The following MYO1E variants were observed in gnomAD, a reference collection of about 807,000 sequenced individuals.
The protein encoded by MYO1E is myosin IE.
A neutral mutation model predicts 151.1 loss-of-function variants in MYO1E; 68 were observed. That is an observed-to-expected ratio of 0.45 (90% confidence interval 0.37 to 0.55). MYO1E has a LOEUF of 0.55. MYO1E is among the 20% of genes least tolerant of loss of function. MYO1E has a pLI of 0.00. For missense variants in MYO1E, 1,363 were observed against 1,389.3 expected, an observed-to-expected ratio of 0.98 and a Z score of 0.30; for synonymous variants, 601 against 501.7, an observed-to-expected ratio of 1.20 and a Z score of -2.64.
chr15:59,169,241 A>G (rs954813697), intron 22 of MYO1E, among the ~76,000 whole-genome samples: 1 of 152,244 alleles, frequency 6.6e-6, no homozygotes, highest in African/African-American at 2.4e-5. Context: ...TCAACTGGTC[A>G]ATCTCAGAAA....
intron 26 of MYO1E, among the ~76,000 whole-genome samples, chr15:59,142,939 A>AAAT (rs1281495198): frequency 6.6e-6 from 1 of 151,868 alleles, no homozygotes. Flanking sequence ...AAAAAAAAAA[A>AAAT]AAAGGCGTCT....
intron 26 of MYO1E, among the ~76,000 whole-genome samples, chr15:59,152,382 A>G (rs1439943169): frequency 1.3e-5 from 2 of 152,170 alleles, no homozygotes; most frequent in African/African-American, 2.4e-5. Flanking sequence ...GACAGGAGAC[A>G]GTGGAAAATG....
intron 22 of MYO1E, among the ~76,000 whole-genome samples, chr15:59,171,570 G>A (rs1229999306): frequency 6.6e-6 from 1 of 152,146 alleles, no homozygotes; most frequent in African/African-American, 2.4e-5. Flanking sequence ...TGAATCCTTG[G>A]CTCTACTGCA....
intron 1 of MYO1E, among the ~76,000 whole-genome samples, chr15:59,281,597 A>G (rs1019622808): frequency 1.3e-5 from 2 of 151,932 alleles, no homozygotes; most frequent in African/African-American, 4.8e-5. Context: ...TCTGACATAC[A>G]CCACACCATA....
At chr15:59,240,092 A>G (rs1414777894) in intron 4 of MYO1E, among the ~76,000 whole-genome samples, 1 of 152,252 alleles carries the variant, frequency 6.6e-6, no homozygotes, top group East Asian at 1.9e-4. Context: ...TATAAAATGG[A>G]CACACACACA....
chr15:59,138,430 G>T lies in MYO1E; in HGVS notation c.3081-63C>A, dbSNP rs1477985776. The T allele has an allele frequency of 5.7e-6, 9 of 1,583,892 alleles. No homozygotes were observed. The Admixed American group carries it at 1.5e-4, about 26-fold the overall frequency. ...CAGGGGGCAGCAGCACCGAACGGTG[G>T]TTTGGAGCATGGCGGCCGGCACTGG... is the stretch of plus-strand genomic sequence containing the variant. On this transcript the variant is annotated intron_variant, in intron 26 of 27. Coordinates refer to ENST00000288235, the MANE Select transcript of MYO1E (RefSeq NM_004998.4).
intron 1 of MYO1E, among the ~76,000 whole-genome samples, chr15:59,284,799 A>G (rs1233459486): frequency 7.2e-5 from 11 of 152,176 alleles, no homozygotes; most frequent in Admixed American, 2.6e-4. Context: ...TTTAAACAGA[A>G]TAACAGGCAA....
chr15:59,300,866 C>CTTTTTT (rs58955743), intron 1 of MYO1E, among the ~76,000 whole-genome samples: 5 of 127,122 alleles, frequency 3.9e-5, no homozygotes, highest in African/African-American at 6.2e-5. Context: ...CCTTTTTTTT[C>CTTTTTT]TTTTTTTTTT....
chr15:59,351,145 C>A (rs1003774687), intron 1 of MYO1E, among the ~76,000 whole-genome samples: 1 of 152,310 alleles, frequency 6.6e-6, no homozygotes, highest in African/African-American at 2.4e-5. Context: ...GTGATCGGCC[C>A]ACCTCGGCCT....
intron 2 of MYO1E, among the ~76,000 whole-genome samples, chr15:59,271,847 G>C (rs2080290754): frequency 6.6e-6 from 1 of 152,256 alleles, no homozygotes; most frequent in South Asian, 2.1e-4. Context: ...CCTCTAGGAA[G>C]AGCAGAGGTT....
At chr15:59,261,031 T>C (rs2080221531) in intron 3 of MYO1E, among the ~76,000 whole-genome samples, 1 of 151,936 alleles carries the variant, frequency 6.6e-6, no homozygotes, top group Admixed American at 6.6e-5. Flanking sequence ...CTGACCAACA[T>C]GGTGAAATAC....
At chr15:59,238,282 G>A (rs1260778172) in intron 4 of MYO1E, among the ~76,000 whole-genome samples, 3 of 152,122 alleles carry the variant, frequency 2.0e-5, no homozygotes, top group Admixed American at 6.6e-5. Flanking sequence ...GAATTACACG[G>A]TTTGGCAACA....
chr15:59,227,324 G>T, intron 7 of MYO1E, 135 bp downstream of exon 7: 1 of 1,052,500 alleles, frequency 9.5e-7, no homozygotes, highest in Non-Finnish European at 1.4e-6. Flanking sequence ...TCACAATTCT[G>T]CACATTGACT....
Position 59,202,544 on chromosome 15 carries a change from C to T in MYO1E, c.1617-137G>A, listed in dbSNP as rs1238905798. ...TACAGAAAAGCCATCTGACTCACAG[C>T]GCGGGCCATCAAGATGTGACTTGGG... On this transcript the variant is annotated intron_variant, in intron 15 of 27. Coordinates refer to ENST00000288235, the MANE Select transcript of MYO1E (RefSeq NM_004998.4). 8 of 747,602 alleles carry T rather than the reference C, an allele frequency of 1.1e-5. 1 individual carries two copies. Among genetic ancestry groups the T allele is most frequent in the Non-Finnish European group, 1.6e-5 (7 of 426,366 alleles). 46.3% of individuals were successfully genotyped at this position (747,602 alleles called of 1,614,324 possible).
chr15:59,168,555 A>C (rs143577309), intron 22 of MYO1E, among the ~76,000 whole-genome samples: 1 of 152,246 alleles, frequency 6.6e-6, no homozygotes, highest in African/African-American at 2.4e-5. Context: ...AAAAAAATAA[A>C]AAGTAGTATA....
In MYO1E at chr15:59,210,508, A is replaced by G; in HGVS notation, c.1362+6T>C. The stretch of plus-strand genomic sequence containing the variant: ...CAGTGAAAAGACATACTAAATGAAC[A>G]CTTACCACTTTGTTCTCTATGAGGT... On this transcript the variant is annotated splice_donor_region_variant and intron_variant, in intron 13 of 27. Transcript: ENST00000288235. The G allele has an allele frequency of 6.4e-7, 1 of 1,553,294 alleles. No individual in the cohort carries two copies. Among genetic ancestry groups the G allele is most frequent in the Non-Finnish European group, 8.9e-7 (1 of 1,124,756 alleles).
Position 59,274,701 on chromosome 15 carries a change from C to A in MYO1E, c.4-2252G>T, listed in dbSNP as rs149190700. Among the ~76,000 whole-genome samples, 6 of 152,260 alleles carry A rather than the reference C, an allele frequency of 3.9e-5. No individual in the cohort carries two copies. The East Asian group carries it at 1.2e-3, about 29-fold the overall frequency. On this transcript the variant is annotated intron_variant, in intron 1 of 27. Transcript: ENST00000288235. ...GAAGAAACTGCCTTCCTAGCGTAAC[C>A]CAAGTTTGTCTCAGTATCAAACCCA...
chr15:59,153,829 T>A (rs1292908365), intron 25 of MYO1E, 38 bp from the exon 26 acceptor site: 7 of 1,577,250 alleles, frequency 4.4e-6, no homozygotes, highest in African/African-American at 1.3e-5. Flanking sequence ...AGGCTCAGAT[T>A]TTTGGATCCT....
chr15:59,208,568 C>G lies in MYO1E; in HGVS notation c.1530+113G>C, dbSNP rs533900632. ...TGCTTCCTTTGATAGTTAATAAATT[C>G]CGTTTGTTGAATCAATAAAATACGG... is the stretch of plus-strand genomic sequence containing the variant. On this transcript the variant is annotated intron_variant, in intron 14 of 27. Transcript: ENST00000288235. The G allele has an allele frequency of 2.3e-6, 3 of 1,304,966 alleles. No individual in the cohort carries two copies. The African/African-American group carries it at 4.4e-5, about 19-fold the overall frequency. The allele number at this position is 1,304,966 out of a possible 1,614,324, so 80.8% of individuals were successfully genotyped here. A position where few individuals can be genotyped will look rare whatever the true frequency, so the allele number is the denominator to read the frequency against.
Sources: gnomAD v4.1 joint callset for allele counts (sites outside exome capture counted in the v4.1 genomes callset) on GRCh38, gnomAD v4.1.1 for gene constraint, MANE v1.5 for transcripts, NCBI Gene and HGNC (gene_info 2026-07-23, HGNC 2026-07-21) for gene names.